ATP6V0D2: variants seen among roughly 807,000 people sequenced by gnomAD.
ATP6V0D2 encodes the protein V-type proton ATPase subunit d 2.
Under a neutral mutation model 40.0 loss-of-function variants are expected in ATP6V0D2, and 40 were observed. That is an observed-to-expected ratio of 1.00 (90% CI 0.78 to 1.30). The LOEUF (loss-of-function observed/expected upper bound fraction) is 1.30. Among genes scored for constraint, ATP6V0D2 ranks in the 50% most tolerant of loss-of-function variants. ATP6V0D2 has a pLI of 0.00. For synonymous variants in ATP6V0D2, 179 were observed against 156.3 expected (o/e 1.15, Z -1.08); for missense variants, 470 against 423.1 (o/e 1.11, Z -0.97).
chr8:86,105,988 A>G (rs903438302), intron 1 of ATP6V0D2, among the ~76,000 whole-genome samples: 2 of 151,910 alleles, frequency 1.3e-5, no homozygotes, highest in African/African-American at 2.4e-5. Context: ...CTAAGAGTGT[A>G]TTTTGCATGT....
intron 2 of ATP6V0D2, among the ~76,000 whole-genome samples, chr8:86,125,437 T>G (rs1333711770): frequency 6.6e-6 from 1 of 152,224 alleles, no homozygotes; most frequent in Non-Finnish European, 1.5e-5. Context: ...AACTTGTTTA[T>G]TTTTTAACTG....
intron 5 of ATP6V0D2, 137 bp downstream of exon 5, chr8:86,143,091 C>T (rs1401360410): frequency 3.7e-6 from 2 of 541,206 alleles, no homozygotes; most frequent in Non-Finnish European, 3.2e-6. Context: ...TTTTATTATA[C>T]ATATGATTTG....
intron 5 of ATP6V0D2, among the ~76,000 whole-genome samples, chr8:86,145,754 T>TTG (rs1490215093): frequency 6.6e-6 from 1 of 152,230 alleles, no homozygotes; most frequent in African/African-American, 2.4e-5. Context: ...AGCATAATTC[T>TTG]TGTGGTTTGG....
At chr8:86,150,372 T>C in intron 6 of ATP6V0D2, 84 bp downstream of exon 6, 1 of 1,336,068 alleles carries the variant, frequency 7.5e-7, no homozygotes, top group South Asian at 1.4e-5. Flanking sequence ...AAATTTCCGC[T>C]TATACTCAAA....
At position 86,153,573 on chromosome 8, in the gene ATP6V0D2, G is replaced by A. The variant is rs1819187223; in HGVS notation, c.*596G>A. 6.6e-6 allele frequency: 1 copy of A among 152,240 alleles called. No homozygotes were observed. Among genetic ancestry groups the A allele is most frequent in the Non-Finnish European group, 1.5e-5 (1 of 68,192 alleles). 9.4% of individuals were successfully genotyped at this position (152,240 alleles called of 1,614,324 possible). On this transcript the variant is annotated 3_prime_UTR_variant, in exon 8 of 8. Transcript: ENST00000285393. ...GTTTCAACATATTATCCAGGCTGGT[G>A]TCGAATTCCTGGGCTCCAGGGATCC...
intron 1 of ATP6V0D2, among the ~76,000 whole-genome samples, chr8:86,100,754 G>A (rs1818386093): frequency 6.6e-6 from 1 of 152,044 alleles, no homozygotes; most frequent in Non-Finnish European, 1.5e-5. Context: ...GTTTCTGAGA[G>A]GAGACATTTT....
intron 4 of ATP6V0D2, 123 bp downstream of exon 4, chr8:86,141,652 G>A (rs1459406919): frequency 4.6e-6 from 3 of 653,420 alleles, no homozygotes; most frequent in Non-Finnish European, 7.4e-6. Context: ...TGCATATTTG[G>A]AATATAGCTT....
At chr8:86,107,627 C>T (rs1818484563) in intron 1 of ATP6V0D2, among the ~76,000 whole-genome samples, 1 of 152,176 alleles carries the variant, frequency 6.6e-6, no homozygotes, top group Admixed American at 6.5e-5. Flanking sequence ...TTTAATCTGC[C>T]TAAAACTTTT....
intron 2 of ATP6V0D2, among the ~76,000 whole-genome samples, chr8:86,133,096 G>A (rs1002006147): frequency 2.0e-5 from 3 of 152,100 alleles, no homozygotes; most frequent in African/African-American, 7.2e-5. Context: ...CTAAAAGATA[G>A]AGAGAAGAAG....
rs780703101 is a variant in ATP6V0D2, at chr8:86,152,821, A to T, written c.897A>T (p.Gln299His). The T allele has an allele frequency of 8.3e-5, 132 of 1,593,572 alleles. No homozygotes were observed. The highest frequency in any genetic ancestry group is 1.1e-4 in the Non-Finnish European group (130 of 1,174,076). ...TACTTTTTTTCTTTCCTCAGGTACA[A>T]ATGAATGTGCTGGCATTCAACAGAC... Reference protein sequence around the residue: ...LEDVFYEREVQMNVLAFNRQF... With the variant: ...LEDVFYEREVHMNVLAFNRQF... Residue 299 changes from glutamine (Q) to histidine (H), a missense_variant, in exon 8 of 8, where the codon CAA (glutamine) becomes CAT (histidine). Gln to His is a conservative substitution (Grantham distance 24). Coordinates refer to ENST00000285393, the MANE Select transcript of ATP6V0D2 (RefSeq NM_152565.1).
chr8:86,139,701 AT>A (rs1818948996), intron 3 of ATP6V0D2, 66 bp downstream of exon 3: 5 of 1,466,630 alleles, frequency 3.4e-6, no homozygotes, highest in Non-Finnish European at 4.5e-6. Flanking sequence ...AAAATGTACT[AT>A]TTTTTTCTTC....
At chr8:86,118,069 C>T (rs1818617069) in intron 2 of ATP6V0D2, among the ~76,000 whole-genome samples, 1 of 104,628 alleles carries the variant, frequency 9.6e-6, no homozygotes, top group Admixed American at 1.1e-4. Context: ...TTCCTTCCTT[C>T]CTTCTTTCTT....
At chr8:86,102,930 C>T (rs1236407488) in intron 1 of ATP6V0D2, among the ~76,000 whole-genome samples, 1 of 152,142 alleles carries the variant, frequency 6.6e-6, no homozygotes, top group Non-Finnish European at 1.5e-5. Flanking sequence ...ATTTTAAAAA[C>T]TAACACTACT....
intron 2 of ATP6V0D2, among the ~76,000 whole-genome samples, chr8:86,132,438 A>G (rs1818839241): frequency 6.6e-6 from 1 of 152,034 alleles, no homozygotes; most frequent in Non-Finnish European, 1.5e-5. Context: ...ATCTAACTGT[A>G]TATTTATACC....
intron 2 of ATP6V0D2, among the ~76,000 whole-genome samples, chr8:86,131,197 T>C (rs1297485507): frequency 1.3e-5 from 2 of 152,088 alleles, no homozygotes; most frequent in East Asian, 1.9e-4. Flanking sequence ...ATTTATTTAT[T>C]TATTTTGTGT....
chr8:86,129,143 T>C (rs1015272760), intron 2 of ATP6V0D2, among the ~76,000 whole-genome samples: 9 of 152,242 alleles, frequency 5.9e-5, no homozygotes, highest in African/African-American at 2.2e-4. Flanking sequence ...TGCCAACCAT[T>C]CAAAGTTGAA....
intron 1 of ATP6V0D2, among the ~76,000 whole-genome samples, chr8:86,104,895 A>T (rs949244975): frequency 6.7e-6 from 1 of 148,800 alleles, no homozygotes; most frequent in African/African-American, 2.4e-5. Context: ...AGCTTCCATC[A>T]GGCAAGATAA....
At chr8:86,122,188 C>T (rs1307210670) in intron 2 of ATP6V0D2, among the ~76,000 whole-genome samples, 2 of 152,178 alleles carry the variant, frequency 1.3e-5, no homozygotes, top group Non-Finnish European at 2.9e-5. Context: ...TAAAAATAAT[C>T]TCTCAAGCAT....
chr8:86,139,656 T>G, intron 3 of ATP6V0D2, 21 bp downstream of exon 3: 1 of 1,537,304 alleles, frequency 6.5e-7, no homozygotes, highest in Non-Finnish European at 8.8e-7. Context: ...TTAGGTAATT[T>G]TGTAGCTGCT....
Sources: allele counts gnomAD v4.1 joint callset (sites outside exome capture counted in the v4.1 genomes callset), GRCh38; gene constraint gnomAD v4.1.1; transcripts MANE v1.5; gene names NCBI Gene and HGNC (gene_info 2026-07-23, HGNC 2026-07-21).